The following CSMD1 variants were observed in gnomAD, a reference collection of about 807,000 sequenced individuals.
CSMD1 encodes the protein CUB and Sushi multiple domains 1.
A neutral mutation model predicts 417.5 loss-of-function variants in CSMD1; 213 were observed. That is an observed-to-expected ratio of 0.51 (90% CI 0.46 to 0.57). The LOEUF is 0.57. CSMD1 is among the 20% of genes least tolerant of loss of function. The pLI is 0.00. For synonymous variants in CSMD1, 2,862 were observed against 1,736.8 expected, an observed-to-expected ratio of 1.65 and a Z score of -16.11; for missense variants, 6,923 against 4,529.7, an observed-to-expected ratio of 1.53 and a Z score of -15.17.
At chr8:4,133,914 G>A (rs574041278) in intron 3 of CSMD1, among the ~76,000 whole-genome samples, 173 of 152,168 alleles carry the variant, frequency 1.1e-3, no homozygotes, top group Admixed American at 2.4e-3. Flanking sequence ...GTTATCCAGG[G>A]AAACAGAATA....
At chr8:4,016,214 T>G (rs530430498) in intron 4 of CSMD1, among the ~76,000 whole-genome samples, 1 of 152,272 alleles carries the variant, frequency 6.6e-6, no homozygotes, top group African/African-American at 2.4e-5. Flanking sequence ...AAGTAAAATA[T>G]TTAGTCATGT....
In CSMD1 at chr8:4,566,634, C is replaced by A. The variant is rs1353320618; in HGVS notation, c.302+70708G>T. ...CACCACTGCACTCCAGCCTGGGTGA[C>A]AGAGGGAGACTCTGACTCAAAAAAA... On this transcript the variant is annotated intron_variant, in intron 2 of 69. Transcript: ENST00000635120. Among the ~76,000 whole-genome samples the A allele has an allele frequency of 5.7e-4, 60 of 104,758 alleles. 1 individual carries two copies. The highest frequency in any genetic ancestry group is 2.3e-3 in the African/African-American group (59 of 25,884). 68.7% of individuals were successfully genotyped at this position (104,758 alleles called of 152,430 possible). A position where few individuals can be genotyped will look rare whatever the true frequency, so the allele number is the denominator to read the frequency against.
At chr8:4,812,402 C>G (rs962354296) in intron 1 of CSMD1, among the ~76,000 whole-genome samples, 1 of 152,120 alleles carries the variant, frequency 6.6e-6, no homozygotes, top group African/African-American at 2.4e-5. Flanking sequence ...CTCTATAGCA[C>G]AGAGTAGTGA....
At chr8:4,158,818 A>G (rs183944331) in intron 3 of CSMD1, among the ~76,000 whole-genome samples, 61 of 152,322 alleles carry the variant, frequency 4.0e-4, no homozygotes, top group Admixed American at 3.5e-3. Flanking sequence ...ATATGGGATG[A>G]TGTAGAATCC....
chr8:4,245,878 G>A (rs552366502), intron 3 of CSMD1, among the ~76,000 whole-genome samples: 2 of 152,188 alleles, frequency 1.3e-5, no homozygotes, highest in African/African-American at 4.8e-5. Context: ...ACATCTCACA[G>A]GGTATACTTT....
intron 46 of CSMD1, among the ~76,000 whole-genome samples, 200 bp downstream of exon 46, chr8:3,106,328 G>A (rs1045559334): frequency 2.0e-5 from 3 of 152,080 alleles, no homozygotes; most frequent in Non-Finnish European, 1.5e-5. Context: ...GACCAGGGAG[G>A]TTGAGGCTGT....
At chr8:4,156,708 C>T (rs190083294) in intron 3 of CSMD1, among the ~76,000 whole-genome samples, 131 of 152,212 alleles carry the variant, frequency 8.6e-4, no homozygotes, top group African/African-American at 3.0e-3. Flanking sequence ...CAAGAAGAGA[C>T]TATGTGCAGT....
Position 4,505,573 on chromosome 8 carries a change from G to C in CSMD1, c.303-85508C>G, listed in dbSNP as rs190219539. Among the ~76,000 whole-genome samples, 154 of 152,166 alleles carry C rather than the reference G, an allele frequency of 1.0e-3. 1 individual carries two copies. Among genetic ancestry groups the C allele is most frequent in the African/African-American group, 3.6e-3 (150 of 41,538 alleles). ...CTATCAAAATAATGCTATTGGAATG[G>C]ATTTCTTACTTAATAACTTAGCCTT... On this transcript the variant is annotated intron_variant, in intron 2 of 69. Coordinates refer to ENST00000635120, the MANE Select transcript of CSMD1 (RefSeq NM_033225.6).
At chr8:4,368,783 G>A (rs1283546534) in intron 3 of CSMD1, among the ~76,000 whole-genome samples, 3 of 151,998 alleles carry the variant, frequency 2.0e-5, no homozygotes, top group Non-Finnish European at 2.9e-5. Flanking sequence ...AGGATTTTTT[G>A]TATTTCTGTT....
intron 10 of CSMD1, among the ~76,000 whole-genome samples, chr8:3,556,787 G>C (rs1277616805): frequency 6.6e-6 from 1 of 152,108 alleles, no homozygotes; most frequent in Non-Finnish European, 1.5e-5. Flanking sequence ...ATCATAGAAA[G>C]ACTGCCAAAA....
intron 1 of CSMD1, among the ~76,000 whole-genome samples, chr8:4,941,231 C>G (rs942107038): frequency 2.0e-5 from 3 of 151,772 alleles, no homozygotes; most frequent in Non-Finnish European, 4.4e-5. Context: ...AACATTGTAA[C>G]ATTGTAACAC....
chr8:4,470,923 AAAT>A (rs1438151502), intron 2 of CSMD1, among the ~76,000 whole-genome samples: 5 of 152,192 alleles, frequency 3.3e-5, no homozygotes, highest in Non-Finnish European at 1.5e-5. Flanking sequence ...ATGAATGTGT[AAAT>A]AAGTATTTTT....
At chr8:4,887,048 T>C (rs1327527653) in intron 1 of CSMD1, among the ~76,000 whole-genome samples, 7 of 152,158 alleles carry the variant, frequency 4.6e-5, no homozygotes, top group Middle Eastern at 3.4e-3. Context: ...CCATTTCCAA[T>C]GTGCTAGGTG....
chr8:4,925,215 G>GGTTTTTTTTTTTTTT lies in CSMD1; in HGVS notation c.85+69116_85+69117insAAAAAAAAAAAAAAC, dbSNP rs762807942. On this transcript the variant is annotated intron_variant, in intron 1 of 69. Coordinates refer to ENST00000635120, the MANE Select transcript of CSMD1 (RefSeq NM_033225.6). Reference sequence around the variant, plus strand: ...AAACATGGTGAATACCAGTTTTATGGTTTTTTTTTTTTTTTTTTTTTTTTT... The same window carrying GGTTTTTTTTTTTTTT: ...AAACATGGTGAATACCAGTTTTATGGGTTTTTTTTTTTTTTTTTTTTTTTTTTTTTTTTTTTTTTT... Among the ~76,000 whole-genome samples the GGTTTTTTTTTTTTTT allele has an allele frequency of 1.1e-4, 8 of 72,740 alleles. 1 individual carries two copies. The East Asian group carries it at 3.0e-3, about 27-fold the overall frequency. 47.7% of individuals were successfully genotyped at this position (72,740 alleles called of 152,430 possible). A position where few individuals can be genotyped will look rare whatever the true frequency, so the allele number is the denominator to read the frequency against.
At chr8:3,069,945 G>A (rs181178433) in intron 49 of CSMD1, among the ~76,000 whole-genome samples, 29 of 152,306 alleles carry the variant, frequency 1.9e-4, no homozygotes, top group African/African-American at 2.9e-4. Flanking sequence ...TGCATTCTGC[G>A]CACCTACAGG....
chr8:4,885,348 T>C (rs1408574758), intron 1 of CSMD1, among the ~76,000 whole-genome samples: 2 of 152,110 alleles, frequency 1.3e-5, no homozygotes, highest in South Asian at 2.1e-4. Context: ...CTAATATGCT[T>C]TCTAAAACCT....
In CSMD1 at chr8:4,518,917, G is replaced by C. The variant is rs188433078; in HGVS notation, c.303-98852C>G. Among the ~76,000 whole-genome samples, 405 of 152,224 alleles carry C rather than the reference G, an allele frequency of 2.7e-3. 3 individuals are homozygous for C. The highest frequency in any genetic ancestry group is 9.3e-3 in the African/African-American group (385 of 41,532). ...AACATTCCCCATAAAATCGTGTCAT[G>C]AGTTAAAGAATTTATCAGCCTAATA... On this transcript the variant is annotated intron_variant, in intron 2 of 69. Transcript: ENST00000635120.
intron 2 of CSMD1, among the ~76,000 whole-genome samples, chr8:4,540,550 A>T (rs1449448249): frequency 6.6e-6 from 1 of 152,156 alleles, no homozygotes; most frequent in Non-Finnish European, 1.5e-5. Flanking sequence ...AACCTAATGG[A>T]TGGGAAAGAA....
intron 2 of CSMD1, among the ~76,000 whole-genome samples, chr8:4,582,831 G>A (rs1041754890): frequency 2.6e-5 from 4 of 152,232 alleles, no homozygotes; most frequent in African/African-American, 9.6e-5. Flanking sequence ...TGTGGAGGGA[G>A]AGGCGCGAGT....
Sources: allele counts gnomAD v4.1 joint callset (sites outside exome capture counted in the v4.1 genomes callset), GRCh38; gene constraint gnomAD v4.1.1; transcripts MANE v1.5; gene names NCBI Gene and HGNC (gene_info 2026-07-23, HGNC 2026-07-21).